The following ARHGEF18 variants were observed in gnomAD, a reference collection of about 807,000 sequenced individuals.
The protein encoded by ARHGEF18 is rho guanine nucleotide exchange factor 18.
In ARHGEF18, 93 loss-of-function variants were observed where a neutral mutation model predicts 155.7. The observed-to-expected ratio is 0.60, with a 90% CI of 0.50 to 0.71. The LOEUF (loss-of-function observed/expected upper bound fraction) is 0.71, where lower values mean the gene tolerates loss of function less well. Among genes scored for constraint, ARHGEF18 ranks in the 30% least tolerant of loss-of-function variants. ARHGEF18 has a pLI of 0.00. For synonymous variants in ARHGEF18, 742 were observed against 753.1 expected (o/e 0.99, Z 0.24); for missense variants, 1,593 against 1,816.1 (o/e 0.88, Z 2.23).
intron 10 of ARHGEF18, among the ~76,000 whole-genome samples, chr19:7,433,836 G>A (rs1320084436): frequency 3.3e-5 from 5 of 151,692 alleles, no homozygotes; most frequent in African/African-American, 9.7e-5. Context: ...CTTGGCCAAC[G>A]TGGAGAAACC....
intron 5 of ARHGEF18, among the ~76,000 whole-genome samples, chr19:7,377,823 G>A (rs991069768): frequency 2.0e-5 from 3 of 149,526 alleles, no homozygotes; most frequent in Non-Finnish European, 4.4e-5. Flanking sequence ...GGTGGCTCAC[G>A]CCTGTAATCC....
Position 7,469,086 on chromosome 19 carries a change from G to A in ARHGEF18, c.3742G>A (p.Asp1248Asn). ...GGCGGCCTCCACCAAGGGTGGCAAG[G>A]ACAAGGGCGGCAAGAGCAGGGGCTC... is the stretch of plus-strand genomic sequence containing the variant. Reference protein sequence around the residue: ...KLAASTKGGKDKGGKSRGSQR... With the variant: ...KLAASTKGGKNKGGKSRGSQR... Residue 1248 changes from aspartate to asparagine, a missense_variant, in exon 27 of 29, where the codon GAC becomes AAC. Transcript: ENST00000668164. 6.2e-7 allele frequency: 1 copy of A among 1,609,234 alleles called. No homozygotes were observed.
chr19:7,425,757 T>A (rs1029493247), intron 10 of ARHGEF18, among the ~76,000 whole-genome samples: 2 of 151,516 alleles, frequency 1.3e-5, no homozygotes, highest in African/African-American at 2.4e-5. Flanking sequence ...CTCAGCACTT[T>A]GGGAGACCAA....
intron 3 of ARHGEF18, 46 bp downstream of exon 3, chr19:7,373,117 C>A: frequency 8.1e-7 from 1 of 1,234,058 alleles, no homozygotes; most frequent in Non-Finnish European, 1.0e-6. Flanking sequence ...ACCCCTGGGA[C>A]AGGGAAGAGG....
chr19:7,414,949 C>T (rs1035210444), intron 10 of ARHGEF18, among the ~76,000 whole-genome samples: 3 of 152,090 alleles, frequency 2.0e-5, no homozygotes, highest in Admixed American at 6.6e-5. Flanking sequence ...GACCCGAGAT[C>T]GTGCCACTGC....
chr19:7,350,766 GGGTGTGT>G (rs1969136095), intron 1 of ARHGEF18, among the ~76,000 whole-genome samples: 644 of 6,436 alleles, frequency 0.1, 6 homozygotes, highest in Non-Finnish European at 0.16. Flanking sequence ...TTTTTGGGGT[GGGTGTGT>G]GTGTGTGTGT....
intron 23 of ARHGEF18, among the ~76,000 whole-genome samples, chr19:7,465,696 C>G (rs1976567643): frequency 6.6e-6 from 1 of 152,270 alleles, no homozygotes; most frequent in Middle Eastern, 3.4e-3. Context: ...GGCAAGGCCG[C>G]CATACCTGGC....
chr19:7,355,436 C>T lies in ARHGEF18; in HGVS notation c.-111+6195C>T, dbSNP rs538135471. Among the ~76,000 whole-genome samples, 16 of 152,328 alleles carry T rather than the reference C, an allele frequency of 1.1e-4. 1 individual carries two copies. In the Middle Eastern group the frequency reaches 0.01, roughly 97 times the overall value. Reference sequence around the variant, plus strand: ...CAGAGGGTGCTAAAGGGCTTGGCTTCTCCTCAAACCAGGGGTCCCTGGGCC... The same window carrying T: ...CAGAGGGTGCTAAAGGGCTTGGCTTTTCCTCAAACCAGGGGTCCCTGGGCC... On this transcript the variant is annotated intron_variant, in intron 1 of 28. Transcript: ENST00000668164.
chr19:7,452,712 C>T (rs148506766), intron 16 of ARHGEF18, among the ~76,000 whole-genome samples: 3,362 of 151,512 alleles, frequency 0.022, 69 homozygotes, highest in South Asian at 0.072. Flanking sequence ...GTGATCTGCC[C>T]GCCTCAGCCT....
In ARHGEF18 at chr19:7,470,796, G is replaced by A. The variant is rs1976980701; in HGVS notation, c.*498G>A. The stretch of plus-strand genomic sequence containing the variant: ...CAGGAGGGGCCAGGTGGCGTCGGCA[G>A]CATCTGTCCCCAGAATCAGGCAGAA... On this transcript the variant is annotated 3_prime_UTR_variant, in exon 29 of 29. Coordinates refer to ENST00000668164, the MANE Select transcript of ARHGEF18 (RefSeq NM_001367823.1). The surrounding 1 kb of genome is among the most constrained non-coding windows in gnomAD (Gnocchi z 5.9). The A allele has an allele frequency of 5.0e-6, 2 of 401,078 alleles. No homozygotes were observed. The highest frequency in any genetic ancestry group is 3.6e-5 in the East Asian group (1 of 28,062). 24.8% of individuals were successfully genotyped at this position (401,078 alleles called of 1,614,324 possible).
chr19:7,466,272 A>G lies in ARHGEF18; in HGVS notation c.2905-646A>G, dbSNP rs1010322801. 5.4e-5 allele frequency among the ~76,000 whole-genome samples: 8 copies of G among 148,552 alleles called. No homozygotes were observed. In the South Asian group the frequency reaches 1.1e-3, roughly 20 times the overall value. On this transcript the variant is annotated intron_variant, in intron 23 of 28. Coordinates refer to ENST00000668164, the MANE Select transcript of ARHGEF18 (RefSeq NM_001367823.1). ...GTGGCACATTCGAGTAATCCCAGCT[A>G]TTTGGGAGGCTGAGGCAGGAGAATC...
At chr19:7,418,804 G>A (rs1040633089) in intron 10 of ARHGEF18, among the ~76,000 whole-genome samples, 1 of 152,002 alleles carries the variant, frequency 6.6e-6, no homozygotes, top group Non-Finnish European at 1.5e-5. Context: ...AGGGAGGAGA[G>A]GAGGTGAAGG....
intron 10 of ARHGEF18, among the ~76,000 whole-genome samples, chr19:7,421,142 G>A (rs1973327905): frequency 1.7e-5 from 1 of 58,840 alleles, no homozygotes; most frequent in African/African-American, 1.6e-4. Flanking sequence ...TGTTGTCCAG[G>A]CTGGTCTCAA....
At chr19:7,478,958 C>T in the ARHGEF18 span, among the ~76,000 whole-genome samples, 1 of 152,232 alleles carries the variant, frequency 6.6e-6, no homozygotes, top group South Asian at 2.1e-4. Context: ...GCTCTGCAGC[C>T]GTGCATGGCA....
intron 10 of ARHGEF18, among the ~76,000 whole-genome samples, chr19:7,391,774 T>A (rs1281196983): frequency 6.6e-6 from 1 of 150,814 alleles, no homozygotes; most frequent in Non-Finnish European, 1.5e-5. Context: ...ATCTAGGAGG[T>A]AGAGACCAGG....
chr19:7,360,922 T>C (rs1291743371), intron 1 of ARHGEF18, among the ~76,000 whole-genome samples: 1 of 152,228 alleles, frequency 6.6e-6, no homozygotes, highest in East Asian at 1.9e-4. Context: ...TGGAAAGCAG[T>C]GATGGTGGAA....
chr19:7,386,859 A>C (rs1278209249), intron 10 of ARHGEF18, among the ~76,000 whole-genome samples: 1 of 152,028 alleles, frequency 6.6e-6, no homozygotes, highest in Non-Finnish European at 1.5e-5. Context: ...TGAGCCTGGA[A>C]GTTCCCATTG....
intron 16 of ARHGEF18, among the ~76,000 whole-genome samples, chr19:7,452,018 C>T (rs562153185): frequency 1.5e-4 from 23 of 152,104 alleles, no homozygotes; most frequent in South Asian, 2.1e-4. Flanking sequence ...CACCATGCCA[C>T]GCCCAGCCTG....
chr19:7,394,243 A>G (rs113548285), intron 10 of ARHGEF18, among the ~76,000 whole-genome samples: 4,360 of 151,976 alleles, frequency 0.029, 103 homozygotes, highest in South Asian at 0.078. Context: ...AGGCGCCTCC[A>G]TGCCCTGCTC....
Sources: gnomAD v4.1 joint callset for allele counts (sites outside exome capture counted in the v4.1 genomes callset) on GRCh38, gnomAD v4.1.1 for gene constraint, Gnocchi (gnomAD v3.1) non-coding constraint, MANE v1.5 for transcripts, NCBI Gene and HGNC (gene_info 2026-07-23, HGNC 2026-07-21) for gene names.